The following NRXN2 variants were observed in gnomAD, a reference collection of about 807,000 sequenced individuals.
NRXN2 encodes the protein neurexin 2.
A neutral mutation model predicts 128.8 loss-of-function variants in NRXN2; 29 were observed. That is an observed-to-expected ratio of 0.23 (90% CI 0.17 to 0.31). The LOEUF is 0.31. Ranked by LOEUF, NRXN2 falls within the 10% of genes least tolerant of loss-of-function variation. The pLI, the probability that NRXN2 is intolerant of heterozygous loss-of-function variation, is 1.00. For missense variants in NRXN2, 1,881 were observed against 2,452.6 expected, an observed-to-expected ratio of 0.77 and a Z score of 4.92; for synonymous variants, 1,098 against 1,075.2, an observed-to-expected ratio of 1.02 and a Z score of -0.41.
At chr11:64,641,906 C>T (rs764176779) in intron 17 of NRXN2, among the ~76,000 whole-genome samples, 66 of 151,414 alleles carry the variant, frequency 4.4e-4, no homozygotes, top group Non-Finnish European at 8.3e-4. Context: ...GGGAGAATGG[C>T]GGGACAGTGG....
At chr11:64,721,645 C>G (rs1328638335) in intron 1 of NRXN2, among the ~76,000 whole-genome samples, 1 of 152,148 alleles carries the variant, frequency 6.6e-6, no homozygotes, top group African/African-American at 2.4e-5. Context: ...CCTTCCCTCT[C>G]CCTTCTTTCT....
chr11:64,661,468 G>A (rs916454150), intron 9 of NRXN2: 64 of 1,144,178 alleles, frequency 5.6e-5, no homozygotes, highest in African/African-American at 2.4e-4. Flanking sequence ...TCTTGAGCTC[G>A]GAAAGGGTTG....
chr11:64,649,556 C>G (rs577728140), intron 15 of NRXN2, among the ~76,000 whole-genome samples: 1 of 152,324 alleles, frequency 6.6e-6, no homozygotes, highest in African/African-American at 2.4e-5. Flanking sequence ...AGATAACCCC[C>G]GGGGTTTGGG....
In NRXN2 at chr11:64,617,654, G is replaced by A. The variant is rs1591513042; in HGVS notation, c.4252+2640C>T. Among the ~76,000 whole-genome samples the A allele has an allele frequency of 3.3e-5, 5 of 152,314 alleles. No homozygotes were observed. In the South Asian group the frequency reaches 1.0e-3, roughly 32 times the overall value. The stretch of plus-strand genomic sequence containing the variant: ...TAAAACCCCATGGGGTCTCCAGCGA[G>A]GCTGCCCCCACCTCTGACACTGGAG... On this transcript the variant is annotated intron_variant, in intron 22 of 22. Coordinates refer to ENST00000265459, the MANE Select transcript of NRXN2 (RefSeq NM_015080.4).
chr11:64,640,629 T>C (rs2045524151), intron 17 of NRXN2, among the ~76,000 whole-genome samples: 1 of 151,930 alleles, frequency 6.6e-6, no homozygotes, highest in Non-Finnish European at 1.5e-5. Flanking sequence ...AGAAGGAAAC[T>C]GAAGAGTGTT....
At chr11:64,719,350 T>C (rs1259523113) in intron 1 of NRXN2, among the ~76,000 whole-genome samples, 2 of 152,220 alleles carry the variant, frequency 1.3e-5, no homozygotes, top group Non-Finnish European at 2.9e-5. Flanking sequence ...TTTGGTTCTG[T>C]CTAATCCCTA....
intron 22 of NRXN2, among the ~76,000 whole-genome samples, chr11:64,610,738 C>T (rs1407354907): frequency 6.6e-6 from 1 of 152,154 alleles, no homozygotes; most frequent in African/African-American, 2.4e-5. Flanking sequence ...AAAGCCAGCA[C>T]CCTGGTCTCC....
intron 21 of NRXN2, among the ~76,000 whole-genome samples, chr11:64,621,847 T>C (rs534746719): frequency 6.6e-6 from 1 of 152,186 alleles, no homozygotes; most frequent in South Asian, 2.1e-4. Context: ...CTGGGCTGCC[T>C]CAGGAAGTCA....
intron 12 of NRXN2, among the ~76,000 whole-genome samples, chr11:64,652,620 G>C (rs2047629344): frequency 6.6e-6 from 1 of 152,068 alleles, no homozygotes; most frequent in African/African-American, 2.4e-5. Context: ...ACTTCACACA[G>C]TACCCAAATG....
chr11:64,653,598 A>C, intron 12 of NRXN2, 98 bp downstream of exon 12: 1 of 1,224,414 alleles, frequency 8.2e-7, no homozygotes, highest in Admixed American at 2.0e-5. Flanking sequence ...CGAGCCAGCA[A>C]TCACGGCTTC....
intron 4 of NRXN2, among the ~76,000 whole-genome samples, chr11:64,691,981 A>C (rs563938056): frequency 2.3e-4 from 35 of 152,344 alleles, no homozygotes; most frequent in Admixed American, 2.0e-3. Context: ...CCCTGAGCTC[A>C]GAGAGAATCA....
At chr11:64,641,252 G>C (rs962593984) in intron 17 of NRXN2, among the ~76,000 whole-genome samples, 2 of 152,214 alleles carry the variant, frequency 1.3e-5, no homozygotes, top group African/African-American at 4.8e-5. Context: ...GACAGGATGG[G>C]ATGGGATGGA....
intron 11 of NRXN2, among the ~76,000 whole-genome samples, chr11:64,655,343 G>A (rs1458847382): frequency 2.0e-5 from 3 of 152,198 alleles, no homozygotes; most frequent in Admixed American, 6.5e-5. Context: ...GTCTCAGTGA[G>A]AGGAATGAGG....
intron 17 of NRXN2, chr11:64,642,930 C>G (rs1465571946): frequency 4.2e-5 from 43 of 1,024,896 alleles, no homozygotes; most frequent in Non-Finnish European, 4.5e-5. Context: ...CGGAGGTAAA[C>G]CAGGGCCCAA....
intron 6 of NRXN2, among the ~76,000 whole-genome samples, chr11:64,683,999 A>G (rs1454125953): frequency 1.3e-5 from 2 of 152,100 alleles, no homozygotes; most frequent in African/African-American, 4.8e-5. Flanking sequence ...CTCACTTGGC[A>G]CTGGCATGGC....
Position 64,630,501 on chromosome 11 carries a change from C to T in NRXN2, c.3658G>A (p.Val1220Ile). 6.2e-7 allele frequency: 1 copy of T among 1,614,092 alleles called. No homozygotes were observed. The highest frequency in any genetic ancestry group is 8.5e-7 in the Non-Finnish European group (1 of 1,180,028). Residue 1220 changes from valine (V) to isoleucine (I), a missense_variant, in exon 19 of 23, where the codon GTA (valine) becomes ATA (isoleucine). Val to Ile is a conservative substitution (Grantham distance 29). Around this residue, in one of 7 missense-constraint regions of NRXN2, gnomAD observed 390 missense variants for 599.6 expected, o/e 0.65. Coordinates refer to ENST00000265459, the MANE Select transcript of NRXN2 (RefSeq NM_015080.4). This position sits in a 1 kb window ranked among gnomAD's most constrained non-coding sequence, Gnocchi z 4.6. ...DITIDEPNAI[V>I]SDGKYHVVRF... is the part of the protein sequence containing the mutation. ...ACCACGTGGTATTTGCCGTCGCTTA[C>T]TATGGCGTTGGGCTCGTCGATGGTA...
intron 3 of NRXN2, among the ~76,000 whole-genome samples, chr11:64,694,852 C>T (rs2054282470): frequency 6.6e-6 from 1 of 152,150 alleles, no homozygotes; most frequent in Non-Finnish European, 1.5e-5. Flanking sequence ...GGTCTCTGCC[C>T]ACCCCCAGCC....
chr11:64,614,274 C>T (rs1256547410), intron 22 of NRXN2, among the ~76,000 whole-genome samples: 1 of 152,220 alleles, frequency 6.6e-6, no homozygotes, highest in African/African-American at 2.4e-5. Flanking sequence ...CCTATTGTTT[C>T]AAATGTCCTC....
intron 17 of NRXN2, among the ~76,000 whole-genome samples, chr11:64,642,226 A>G (rs577519846): frequency 6.6e-6 from 1 of 152,156 alleles, no homozygotes; most frequent in African/African-American, 2.4e-5. Context: ...AAGGACAGAC[A>G]GGGCGGGGAG....
Sources: gnomAD v4.1 joint callset for allele counts (sites outside exome capture counted in the v4.1 genomes callset) on GRCh38, gnomAD v4.1.1 for gene constraint, gnomAD v4.1.1 regional missense constraint, Gnocchi (gnomAD v3.1) non-coding constraint, MANE v1.5 for transcripts, NCBI Gene and HGNC (gene_info 2026-07-23, HGNC 2026-07-21) for gene names.